POU2F1: variants seen among roughly 807,000 people sequenced by gnomAD.
The protein encoded by POU2F1 is POU class 2 homeobox 1, also known as POU domain, class 2, transcription factor 1.
POU2F1 carries 16 observed loss-of-function variants against 84.9 expected under a neutral mutation model. The observed-to-expected ratio is 0.19, with a 90% CI of 0.13 to 0.29. The LOEUF (loss-of-function observed/expected upper bound fraction) is 0.29, where lower values mean the gene tolerates loss of function less well. POU2F1 is among the 10% of genes least tolerant of loss of function. The pLI is 1.00. For synonymous variants in POU2F1, 368 were observed against 368.3 expected, an observed-to-expected ratio of 1.00 and a Z score of 0.01; for missense variants, 738 against 942.6, an observed-to-expected ratio of 0.78 and a Z score of 2.84.
chr1:167,411,455 A>G (rs1571467371), intron 13 of POU2F1, among the ~76,000 whole-genome samples: 1 of 151,964 alleles, frequency 6.6e-6, no homozygotes, highest in African/African-American at 2.4e-5. Context: ...TTTATTACAG[A>G]ATAGTTGTTT....
chr1:167,330,973 T>G (rs1657048674), intron 1 of POU2F1, among the ~76,000 whole-genome samples: 1 of 152,236 alleles, frequency 6.6e-6, no homozygotes, highest in Admixed American at 6.5e-5. Context: ...TCTGTTGACT[T>G]TCATGAGATT....
intron 9 of POU2F1, among the ~76,000 whole-genome samples, chr1:167,392,222 G>A (rs1339303511): frequency 6.6e-6 from 1 of 151,926 alleles, no homozygotes; most frequent in Non-Finnish European, 1.5e-5. Context: ...GTGCTGGCGG[G>A]CGCCTGTAAT....
Position 167,225,573 on chromosome 1 carries a change from A to G in POU2F1, c.61+4615A>G, listed in dbSNP as rs528382015. Among the ~76,000 whole-genome samples the G allele has an allele frequency of 1.7e-3, 254 of 152,358 alleles. 3 individuals carry two copies. The highest frequency in any genetic ancestry group is 5.8e-3 in the Admixed American group (89 of 15,308). On this transcript the variant is annotated intron_variant, in intron 1 of 15. Transcript: ENST00000367866. ...GTTACGTTGCTCTTCTCAAGCCACCAAAGATGTTTAATAGACCCTTGAATA... is the reference window on the plus strand; with the variant it reads ...GTTACGTTGCTCTTCTCAAGCCACCGAAGATGTTTAATAGACCCTTGAATA...
intron 1 of POU2F1, among the ~76,000 whole-genome samples, chr1:167,307,647 A>G (rs1423241223): frequency 6.6e-6 from 1 of 152,086 alleles, no homozygotes; most frequent in African/African-American, 2.4e-5. Context: ...GTCACCCCCA[A>G]CTACTTTACT....
intron 7 of POU2F1, among the ~76,000 whole-genome samples, chr1:167,378,340 A>G (rs13376354): frequency 0.016 from 2,376 of 151,226 alleles, 70 homozygotes; most frequent in African/African-American, 0.055. Flanking sequence ...GGTTCAAGCA[A>G]TTCTCCTGCC....
intron 2 of POU2F1, among the ~76,000 whole-genome samples, chr1:167,351,224 C>T (rs1024459022): frequency 2.0e-5 from 3 of 151,876 alleles, no homozygotes; most frequent in African/African-American, 4.8e-5. Context: ...TGTGGTGGCA[C>T]GTGCCTGTAA....
chr1:167,371,454 G>C (rs962033070), intron 4 of POU2F1, among the ~76,000 whole-genome samples: 2 of 152,186 alleles, frequency 1.3e-5, no homozygotes, highest in Non-Finnish European at 2.9e-5. Flanking sequence ...TAGTTGATGG[G>C]AGTTGCTAGA....
At chr1:167,318,500 G>A (rs547435765) in intron 1 of POU2F1, among the ~76,000 whole-genome samples, 15 of 152,268 alleles carry the variant, frequency 9.9e-5, no homozygotes, top group African/African-American at 3.4e-4. Flanking sequence ...TCCCAAACAA[G>A]TATGTTCATT....
chr1:167,275,999 A>G (rs1652702933), intron 1 of POU2F1, among the ~76,000 whole-genome samples: 1 of 152,212 alleles, frequency 6.6e-6, no homozygotes, highest in Non-Finnish European at 1.5e-5. Context: ...TAAGAACAAA[A>G]TATTTAGCTT....
At chr1:167,294,173 A>C (rs1039152992) in intron 1 of POU2F1, among the ~76,000 whole-genome samples, 5 of 93,602 alleles carry the variant, frequency 5.3e-5, no homozygotes, top group African/African-American at 8.0e-5. Context: ...ACTAAAATAC[A>C]AAAAAAAAAA....
chr1:167,275,032 A>T (rs414258), intron 1 of POU2F1, among the ~76,000 whole-genome samples: 8,848 of 112,760 alleles, frequency 0.078, 1,302 homozygotes, highest in African/African-American at 0.26. Context: ...AAATAAATGT[A>T]TTTTTTTTTT....
chr1:167,373,505 T>G lies in POU2F1; in HGVS notation c.403-603T>G, dbSNP rs112017072. Among the ~76,000 whole-genome samples the G allele has an allele frequency of 4.1e-3, 631 of 152,306 alleles. 6 individuals are homozygous for G. The highest frequency in any genetic ancestry group is 0.015 in the African/African-American group (611 of 41,574). On this transcript the variant is annotated intron_variant, in intron 5 of 15. Transcript: ENST00000367866. Reference sequence around the variant, plus strand: ...AAGAGAACGGCTATCACCACCTGTTTCATAGAGATAATGTGTTGGAAAGGA... The same window carrying G: ...AAGAGAACGGCTATCACCACCTGTTGCATAGAGATAATGTGTTGGAAAGGA...
chr1:167,339,254 T>G (rs527852249), intron 2 of POU2F1, among the ~76,000 whole-genome samples: 2 of 152,176 alleles, frequency 1.3e-5, no homozygotes, highest in Non-Finnish European at 2.9e-5. Flanking sequence ...CTTTAAACAC[T>G]TACTATCCTG....
Position 167,389,575 on chromosome 1 carries a change from C to G in POU2F1, c.814-13C>G, listed in dbSNP as rs763686157. 2 of 1,613,646 alleles carry G rather than the reference C, an allele frequency of 1.2e-6. No individual in the cohort carries two copies. Among genetic ancestry groups the G allele is most frequent in the South Asian group, 2.2e-5 (2 of 91,036 alleles). ...ACGTGTTTTTCCTCATTGTTTTATTCTTTCTCCAACAGCCAGCAACCCCAA... is the reference window on the plus strand; with the variant it reads ...ACGTGTTTTTCCTCATTGTTTTATTGTTTCTCCAACAGCCAGCAACCCCAA... On this transcript the variant is annotated splice_polypyrimidine_tract_variant and intron_variant, in intron 8 of 15. Coordinates refer to ENST00000367866, the MANE Select transcript of POU2F1 (RefSeq NM_002697.4).
Position 167,407,062 on chromosome 1 carries a change from C to T in POU2F1, c.1556-4897C>T, listed in dbSNP as rs149619525. Among the ~76,000 whole-genome samples the T allele has an allele frequency of 3.8e-3, 576 of 150,734 alleles. 4 individuals are homozygous for T. The highest frequency in any genetic ancestry group is 0.013 in the African/African-American group (552 of 41,108). ...TTTTATTATTATTATTATTTGTTTT[C>T]GAGACAGGGTATTGCCCTATCACAG... On this transcript the variant is annotated intron_variant, in intron 13 of 15. Transcript: ENST00000367866.
chr1:167,414,592 G>C (rs575188633), intron 15 of POU2F1: 5 of 985,248 alleles, frequency 5.1e-6, no homozygotes, highest in African/African-American at 3.5e-5. Flanking sequence ...TGAGAGTCTC[G>C]ATTATTTTAA....
intron 7 of POU2F1, among the ~76,000 whole-genome samples, chr1:167,382,637 A>G (rs1290379667): frequency 6.6e-6 from 1 of 152,234 alleles, no homozygotes; most frequent in Non-Finnish European, 1.5e-5. Context: ...TTGGGGAAGG[A>G]GGATGGTCAT....
chr1:167,340,365 C>A (rs1446630322), intron 2 of POU2F1, among the ~76,000 whole-genome samples: 1 of 151,896 alleles, frequency 6.6e-6, no homozygotes, highest in Non-Finnish European at 1.5e-5. Flanking sequence ...GAGGTGTGAG[C>A]AACTGCACCC....
At chr1:167,290,404 A>T (rs1269285392) in intron 1 of POU2F1, among the ~76,000 whole-genome samples, 1 of 152,228 alleles carries the variant, frequency 6.6e-6, no homozygotes, top group Non-Finnish European at 1.5e-5. Flanking sequence ...CTCAAAAAAA[A>T]GTGTAGCACG....
Sources: gnomAD v4.1 joint callset for allele counts (sites outside exome capture counted in the v4.1 genomes callset) on GRCh38, gnomAD v4.1.1 for gene constraint, MANE v1.5 for transcripts, NCBI Gene and HGNC (gene_info 2026-07-23, HGNC 2026-07-21) for gene names.